Variants in DNAH9 observed in about 807,000 individuals in gnomAD.
The protein encoded by DNAH9 is dynein axonemal heavy chain 9.
DNAH9 carries 345 observed loss-of-function variants against 471.6 expected under a neutral mutation model. That is an observed-to-expected ratio of 0.73 (90% CI 0.67 to 0.80). DNAH9 has a LOEUF of 0.80. Among genes scored for constraint, DNAH9 ranks in the 30% least tolerant of loss-of-function variants. The probability of loss-of-function intolerance (pLI) is 0.00; values close to 1 mark genes in which losing one functional copy is unlikely to be tolerated. For missense variants in DNAH9, 5,407 were observed against 5,609.2 expected (o/e 0.96, Z 1.15); for synonymous variants, 2,093 against 2,123.6 (o/e 0.99, Z 0.40).
intron 14 of DNAH9, among the ~76,000 whole-genome samples, chr17:11,657,314 A>C (rs2150710567): frequency 6.6e-6 from 1 of 152,166 alleles, no homozygotes; most frequent in Non-Finnish European, 1.5e-5. Flanking sequence ...CTTTCCCTGA[A>C]GATTTATACT....
chr17:11,933,163 G>A (rs1974578046), intron 64 of DNAH9, among the ~76,000 whole-genome samples: 1 of 152,118 alleles, frequency 6.6e-6, no homozygotes, highest in African/African-American at 2.4e-5. Context: ...ACTTTCAAAG[G>A]GGACAGTTAA....
At chr17:11,701,317 C>A in intron 24 of DNAH9, 70 bp downstream of exon 24, 1 of 1,545,100 alleles carries the variant, frequency 6.5e-7, no homozygotes, top group Non-Finnish European at 8.9e-7. Context: ...CCCCAGCCTT[C>A]AGCAGCTGGT....
Position 11,817,074 on chromosome 17 carries a change from A to C in DNAH9, c.8708-4846A>C, listed in dbSNP as rs910491339. ...CCGTCTCAAAAAAAAAAATAATAAT[A>C]ATAATGTTTCCGAACTTTAGGTCTC... On this transcript the variant is annotated intron_variant, in intron 45 of 68. Transcript: ENST00000262442. 2.7e-5 allele frequency among the ~76,000 whole-genome samples: 4 copies of C among 150,910 alleles called. No homozygotes were observed. The East Asian group carries it at 7.7e-4, about 29-fold the overall frequency.
At chr17:11,760,365 T>C (rs1005872387) in intron 35 of DNAH9, among the ~76,000 whole-genome samples, 1 of 152,176 alleles carries the variant, frequency 6.6e-6, no homozygotes, top group Non-Finnish European at 1.5e-5. Context: ...AGCTCATGTG[T>C]CTTTGTTTGT....
At chr17:11,606,131 A>AGC (rs2072498809) in intron 1 of DNAH9, among the ~76,000 whole-genome samples, 1 of 151,920 alleles carries the variant, frequency 6.6e-6, no homozygotes, top group South Asian at 2.1e-4. Flanking sequence ...TTCCTTTTTG[A>AGC]GCTCCCTTTA....
chr17:11,776,820 G>T (rs1968454281), intron 38 of DNAH9, among the ~76,000 whole-genome samples: 1 of 152,050 alleles, frequency 6.6e-6, no homozygotes, highest in African/African-American at 2.4e-5. Flanking sequence ...TTGACTACTG[G>T]GTAGTCATGC....
intron 64 of DNAH9, 104 bp from the exon 65 acceptor site, chr17:11,933,776 C>T (rs1182542798): frequency 2.0e-6 from 2 of 997,152 alleles, no homozygotes; most frequent in East Asian, 2.4e-5. Flanking sequence ...TCTCAAGAAG[C>T]GTCCCTCTCT....
At chr17:11,803,467 A>G (rs1039682823) in intron 43 of DNAH9, among the ~76,000 whole-genome samples, 6 of 152,160 alleles carry the variant, frequency 3.9e-5, no homozygotes, top group African/African-American at 1.4e-4. Context: ...GCGATGGTGC[A>G]TCTTCAGCTT....
chr17:11,865,880 T>G (rs1302214890), intron 50 of DNAH9, among the ~76,000 whole-genome samples: 1 of 152,250 alleles, frequency 6.6e-6, no homozygotes, highest in East Asian at 1.9e-4. Flanking sequence ...TCAGCTCCTT[T>G]AAGCACTTCT....
rs898372741 is a variant in DNAH9 at position 11,704,185 on chromosome 17, C to T, written c.5152-18C>T. Reference sequence around the variant, plus strand: ...CAGCCATGATAACAGCTTTACTAGGCAACTCTTGCTGCCACAGGTGGCCCT... The same window carrying T: ...CAGCCATGATAACAGCTTTACTAGGTAACTCTTGCTGCCACAGGTGGCCCT... On this transcript the variant is annotated intron_variant, in intron 24 of 68. Coordinates refer to ENST00000262442, the MANE Select transcript of DNAH9 (RefSeq NM_001372.4). 1 of 1,613,730 alleles carries T rather than the reference C, an allele frequency of 6.2e-7. No individual in the cohort carries two copies.
At chr17:11,638,966 G>C (rs920011711) in intron 9 of DNAH9, among the ~76,000 whole-genome samples, 2 of 152,168 alleles carry the variant, frequency 1.3e-5, no homozygotes, top group African/African-American at 4.8e-5. Flanking sequence ...CCATCTTCAA[G>C]CCAGCAACAG....
Position 11,892,833 on chromosome 17 carries a change from CA to C in DNAH9, c.11283+887del, listed in dbSNP as rs1973093034. 6.6e-6 allele frequency among the ~76,000 whole-genome samples: 1 copy of C among 152,114 alleles called. No individual in the cohort carries two copies. Among genetic ancestry groups the C allele is most frequent in the African/African-American group, 2.4e-5 (1 of 41,398 alleles). On this transcript the variant is annotated intron_variant, in intron 58 of 68. Coordinates refer to ENST00000262442, the MANE Select transcript of DNAH9 (RefSeq NM_001372.4). The surrounding 1 kb of genome is among the most constrained non-coding windows in gnomAD (Gnocchi z 4.3). ...CCTACCAAAGTGCTGGGATTACAGG[CA>C]TGAGCCATTGCATCTGGCCTAATTT...
Position 11,763,521 on chromosome 17 carries a change from G to A in DNAH9, c.7077G>A (p.Glu2359=). The A allele has an allele frequency of 6.2e-7, 1 of 1,614,018 alleles. No homozygotes were observed. The highest frequency in any genetic ancestry group is 8.5e-7 in the Non-Finnish European group (1 of 1,179,900). ...TTCTGGAATGTCTCCTGACCACGGA[G>A]GACATCCCTGCAGACTGCCCTAAGG... ...CHLLECLLTT[E]DIPADCPKEI... is the part of the protein sequence containing the mutation. Residue 2359 remains glutamate, a synonymous_variant, in exon 36 of 69, where the codon GAG becomes GAA. Coordinates refer to ENST00000262442, the MANE Select transcript of DNAH9 (RefSeq NM_001372.4).
chr17:11,959,147 A>G (rs1975868181), intron 67 of DNAH9, among the ~76,000 whole-genome samples: 1 of 152,214 alleles, frequency 6.6e-6, no homozygotes. Flanking sequence ...AGGATATCCA[A>G]AGAAAACATA....
intron 50 of DNAH9, among the ~76,000 whole-genome samples, chr17:11,868,898 G>C (rs1290763283): frequency 1.3e-5 from 2 of 152,092 alleles, no homozygotes; most frequent in South Asian, 4.1e-4. Context: ...GACATTTCTG[G>C]ATGTCCACTC....
Position 11,598,542 on chromosome 17 carries a change from C to A in DNAH9, c.44C>A (p.Ala15Glu). 1 of 1,408,512 alleles carries A rather than the reference C, an allele frequency of 7.1e-7. No individual in the cohort carries two copies. Among genetic ancestry groups the A allele is most frequent in the Non-Finnish European group, 9.2e-7 (1 of 1,088,912 alleles). The allele number at this position is 1,408,512 out of a possible 1,614,324, so 87.3% of individuals were successfully genotyped here. A position where few individuals can be genotyped will look rare whatever the true frequency, so the allele number is the denominator to read the frequency against. ...CGGGCCGCGCTCGCGGCGGAGAACGCGGATGGGGAACCCGGCGCCGACCGA... is the reference window on the plus strand; with the variant it reads ...CGGGCCGCGCTCGCGGCGGAGAACGAGGATGGGGAACCCGGCGCCGACCGA... ...EERAALAAENADGEPGADRRL... is the reference protein window; with the variant it reads ...EERAALAAENEDGEPGADRRL... Residue 15 changes from alanine to glutamate, a missense_variant, in exon 1 of 69, where the codon GCG becomes GAG. Ala to Glu is a moderately radical substitution (Grantham distance 107). Coordinates refer to ENST00000262442, the MANE Select transcript of DNAH9 (RefSeq NM_001372.4).
chr17:11,611,599 C>T, intron 3 of DNAH9, 51 bp from the exon 4 acceptor site: 1 of 1,592,256 alleles, frequency 6.3e-7, no homozygotes, highest in Non-Finnish European at 8.6e-7. Context: ...CACAGTGTGA[C>T]TTGCATTTCC....
intron 43 of DNAH9, among the ~76,000 whole-genome samples, chr17:11,806,654 TACAA>T: frequency 1.1e-5 from 1 of 91,068 alleles, no homozygotes; most frequent in South Asian, 4.0e-4. Flanking sequence ...ACTTTTCAGG[TACAA>T]ACAATGTATG....
At chr17:11,679,234 T>C (rs571397416) in intron 17 of DNAH9, among the ~76,000 whole-genome samples, 1 of 152,364 alleles carries the variant, frequency 6.6e-6, no homozygotes, top group South Asian at 2.1e-4. Context: ...CTGAAAATTA[T>C]GAGCTTCTTT....
Sources: allele counts gnomAD v4.1 joint callset (sites outside exome capture counted in the v4.1 genomes callset), GRCh38; gene constraint gnomAD v4.1.1; non-coding constraint Gnocchi (gnomAD v3.1); transcripts MANE v1.5; gene names NCBI Gene and HGNC (gene_info 2026-07-23, HGNC 2026-07-21).